The following TFB1M variants were observed in gnomAD, a reference collection of about 807,000 sequenced individuals.
The protein encoded by TFB1M is transcription factor B1, mitochondrial, also known as dimethyladenosine transferase 1, mitochondrial.
A neutral mutation model predicts 31.1 loss-of-function variants in TFB1M; 27 were observed. The observed-to-expected ratio is 0.87, with a 90% confidence interval of 0.64 to 1.20. TFB1M has a LOEUF of 1.20. TFB1M is among the 50% of genes most tolerant of loss of function. The pLI, the probability that TFB1M is intolerant of heterozygous loss-of-function variation, is 0.00. For synonymous variants in TFB1M, 166 were observed against 151.8 expected (o/e 1.09, Z -0.69); for missense variants, 394 against 418.7 (o/e 0.94, Z 0.51).
chr6:155,240,392 A>G, the TFB1M span: 1 of 818,170 alleles, frequency 1.2e-6, no homozygotes, highest in Non-Finnish European at 1.8e-6. Flanking sequence ...TTTGAGGTGA[A>G]TGAAACCCTT....
the TFB1M span, among the ~76,000 whole-genome samples, chr6:155,235,831 A>G: frequency 6.6e-6 from 1 of 152,242 alleles, no homozygotes; most frequent in African/African-American, 2.4e-5. Flanking sequence ...CTGTTTTTCT[A>G]AAATGGCAAG....
chr6:155,276,766 C>A (rs946236963), intron 5 of TFB1M, among the ~76,000 whole-genome samples: 2 of 152,146 alleles, frequency 1.3e-5, no homozygotes, highest in African/African-American at 4.8e-5. Flanking sequence ...GAATATTATC[C>A]ACTTTGCTAT....
At chr6:155,254,653 C>A, downstream of TFB1M, 1 of 1,527,146 alleles carries the variant, frequency 6.5e-7, no homozygotes, top group South Asian at 1.2e-5. Flanking sequence ...TGTAACATAG[C>A]TGTGACTTTT....
rs540166481 is a variant in TFB1M, at chr6:155,313,755, T to A, written c.133+541A>T. 1.4e-4 allele frequency among the ~76,000 whole-genome samples: 22 copies of A among 152,300 alleles called. No homozygotes were observed. The South Asian group carries it at 2.9e-3, about 20-fold the overall frequency. ...CACGCCCATATCCTACCCCCGGCAC[T>A]AGCACAATGTTGCTTGTGTAATATG... is the stretch of plus-strand genomic sequence containing the variant. On this transcript the variant is annotated intron_variant, in intron 1 of 6. Transcript: ENST00000367166.
At chr6:155,265,233 C>T (rs1056523205) in intron 5 of TFB1M, among the ~76,000 whole-genome samples, 1 of 152,220 alleles carries the variant, frequency 6.6e-6, no homozygotes, top group African/African-American at 2.4e-5. Flanking sequence ...CTGCCAGGGT[C>T]TGGACCCCAG....
At chr6:155,263,835 G>A (rs1396880748) in intron 5 of TFB1M, among the ~76,000 whole-genome samples, 7 of 151,764 alleles carry the variant, frequency 4.6e-5, no homozygotes. Context: ...ACACTCTCAC[G>A]GTGTTCAAGA....
At chr6:155,246,913 C>G in the TFB1M span, among the ~76,000 whole-genome samples, 4 of 152,252 alleles carry the variant, frequency 2.6e-5, no homozygotes, top group Non-Finnish European at 4.4e-5. Context: ...TTCCAAGCAA[C>G]TGGGCATCCA....
At chr6:155,246,528 G>T in the TFB1M span, among the ~76,000 whole-genome samples, 1 of 152,040 alleles carries the variant, frequency 6.6e-6, no homozygotes, top group Non-Finnish European at 1.5e-5. Flanking sequence ...GTAGAAATGG[G>T]TCTCACTGTG....
At chr6:155,279,488 A>G (rs1417072339) in intron 5 of TFB1M, among the ~76,000 whole-genome samples, 1 of 152,220 alleles carries the variant, frequency 6.6e-6, no homozygotes, top group Non-Finnish European at 1.5e-5. Context: ...GCCATTAGTC[A>G]GCATAGTGAA....
At chr6:155,309,495 A>C (rs1777926855) in intron 2 of TFB1M, among the ~76,000 whole-genome samples, 1 of 152,194 alleles carries the variant, frequency 6.6e-6, no homozygotes, top group South Asian at 2.1e-4. Flanking sequence ...TTTGGGGGAA[A>C]CTGAGAAGAG....
In TFB1M at chr6:155,256,928, A is replaced by G; in HGVS notation, c.*908T>C. On this transcript the variant is annotated 3_prime_UTR_variant, in exon 7 of 7. Coordinates refer to ENST00000367166, the MANE Select transcript of TFB1M (RefSeq NM_016020.4). ...GGGCACTTCTGCCCCATTAAACGAA[A>G]AGCCAACAGCACCAAGAGGGACAGA... 1 of 1,614,178 alleles carries G rather than the reference A, an allele frequency of 6.2e-7. No individual in the cohort carries two copies. The highest frequency in any genetic ancestry group is 8.5e-7 in the Non-Finnish European group (1 of 1,180,034).
intron 2 of TFB1M, among the ~76,000 whole-genome samples, chr6:155,303,845 T>C (rs766179161): frequency 2.6e-5 from 4 of 152,184 alleles, no homozygotes; most frequent in African/African-American, 7.2e-5. Flanking sequence ...AGAAGAGAAC[T>C]ATTATTCCCA....
intron 5 of TFB1M, among the ~76,000 whole-genome samples, chr6:155,279,498 A>G (rs1182879784): frequency 6.6e-6 from 1 of 152,174 alleles, no homozygotes; most frequent in Non-Finnish European, 1.5e-5. Flanking sequence ...AGCATAGTGA[A>G]TAAGAGGTGC....
chr6:155,267,273 C>A (rs1179009868), intron 5 of TFB1M, among the ~76,000 whole-genome samples: 3 of 152,186 alleles, frequency 2.0e-5, no homozygotes, highest in Non-Finnish European at 4.4e-5. Flanking sequence ...CCACACCTGG[C>A]CGTAGAATAT....
the TFB1M span, among the ~76,000 whole-genome samples, chr6:155,242,246 C>A: frequency 2.0e-5 from 3 of 152,256 alleles, no homozygotes; most frequent in African/African-American, 7.2e-5. Context: ...GGCCCCAACA[C>A]CCTCGGACAA....
At chr6:155,308,706 C>T (rs1250611165) in intron 2 of TFB1M, among the ~76,000 whole-genome samples, 1 of 152,144 alleles carries the variant, frequency 6.6e-6, no homozygotes, top group African/African-American at 2.4e-5. Context: ...CCCTAAACTG[C>T]CTCATGAAAA....
chr6:155,279,755 C>A (rs1785409417), intron 5 of TFB1M, among the ~76,000 whole-genome samples: 1 of 152,136 alleles, frequency 6.6e-6, no homozygotes. Context: ...GTACTGTCTG[C>A]AAAAATGCAA....
At chr6:155,266,575 T>A (rs13220615) in intron 5 of TFB1M, among the ~76,000 whole-genome samples, 11 of 151,646 alleles carry the variant, frequency 7.3e-5, no homozygotes, top group East Asian at 2.0e-4. Flanking sequence ...GGCTGGGCGC[T>A]GTGGCTCACA....
rs568691279 is a variant in TFB1M, at chr6:155,279,629, A to G, written c.666+5529T>C. 8.0e-4 allele frequency among the ~76,000 whole-genome samples: 122 copies of G among 152,354 alleles called. 1 individual carries two copies. In the South Asian group the frequency reaches 0.023, roughly 29 times the overall value. On this transcript the variant is annotated intron_variant, in intron 5 of 6. Coordinates refer to ENST00000367166, the MANE Select transcript of TFB1M (RefSeq NM_016020.4). The stretch of plus-strand genomic sequence containing the variant: ...ACATGACTTTAGCAAATACTAACTT[A>G]CTTGACTTTTGAGATTTTTAGCCTA...
Sources: allele counts gnomAD v4.1 joint callset (sites outside exome capture counted in the v4.1 genomes callset), GRCh38; gene constraint gnomAD v4.1.1; transcripts MANE v1.5; gene names NCBI Gene and HGNC (gene_info 2026-07-23, HGNC 2026-07-21).